Variants in GRAMD1B observed in about 807,000 individuals in gnomAD.
The protein encoded by GRAMD1B is GRAM domain containing 1B.
A neutral mutation model predicts 99.7 loss-of-function variants in GRAMD1B; 37 were observed. The ratio of observed to expected loss-of-function variants is 0.37; its 90% CI spans 0.29 to 0.49. The LOEUF (loss-of-function observed/expected upper bound fraction) is 0.49, where lower values mean the gene tolerates loss of function less well. Among genes scored for constraint, GRAMD1B ranks in the 20% least tolerant of loss-of-function variants. GRAMD1B has a pLI of 0.98. For synonymous variants in GRAMD1B, 427 were observed against 387.6 expected (o/e 1.10, Z -1.19); for missense variants, 888 against 1,009.2 (o/e 0.88, Z 1.63).
chr11:123,394,334 A>G (rs184832713), intron 1 of GRAMD1B, among the ~76,000 whole-genome samples: 1 of 152,296 alleles, frequency 6.6e-6, no homozygotes, highest in East Asian at 1.9e-4. Flanking sequence ...CAATGATACC[A>G]TTTTGTGTCT....
In GRAMD1B at chr11:123,500,687, T is replaced by A. The variant is rs550823324; in HGVS notation, c.452+19794T>A. On this transcript the variant is annotated intron_variant, in intron 2 of 19. Transcript: ENST00000635736. ...TAGCTACCTTGAAACCTTTTTATTT[T>A]TTTTTTGACAGAGTCTCTTTTGTCA... is the stretch of plus-strand genomic sequence containing the variant. Among the ~76,000 whole-genome samples, 151 of 152,282 alleles carry A rather than the reference T, an allele frequency of 9.9e-4. 1 individual carries two copies. The highest frequency in any genetic ancestry group is 3.2e-3 in the African/African-American group (132 of 41,554).
rs1276704324 is a variant in GRAMD1B, at chr11:123,624,058, A to G, written c.*1463A>G. On this transcript the variant is annotated 3_prime_UTR_variant, in exon 20 of 20. Coordinates refer to ENST00000635736, the MANE Select transcript of GRAMD1B (RefSeq NM_001387025.1). ...ATTCATCATCCCTCATACACTAACT[A>G]CTGTTTCTTCATGTAATGACCAAAA... The G allele has an allele frequency of 6.6e-6, 1 of 152,080 alleles. No individual in the cohort carries two copies. Among genetic ancestry groups the G allele is most frequent in the Non-Finnish European group, 1.5e-5 (1 of 68,024 alleles). 9.4% of individuals were successfully genotyped at this position (152,080 alleles called of 1,614,324 possible).
chr11:123,544,884 T>C, intron 2 of GRAMD1B, among the ~76,000 whole-genome samples: 1 of 152,262 alleles, frequency 6.6e-6, no homozygotes, highest in South Asian at 2.1e-4. Context: ...TCCTGGTGGC[T>C]GACTGCCAGT....
intron 1 of GRAMD1B, among the ~76,000 whole-genome samples, chr11:123,369,061 A>G (rs951770950): frequency 6.6e-6 from 1 of 152,200 alleles, no homozygotes; most frequent in Non-Finnish European, 1.5e-5. Flanking sequence ...TTGGGAAGCC[A>G]AGGTAGGAGG....
At chr11:123,585,357 G>A (rs968166314) in intron 4 of GRAMD1B, among the ~76,000 whole-genome samples, 1 of 152,194 alleles carries the variant, frequency 6.6e-6, no homozygotes, top group African/African-American at 2.4e-5. Context: ...TTGGCGCTGG[G>A]CGGTTCCTCA....
At chr11:123,550,531 C>T (rs1045298557) in intron 2 of GRAMD1B, among the ~76,000 whole-genome samples, 3 of 152,162 alleles carry the variant, frequency 2.0e-5, no homozygotes, top group South Asian at 2.1e-4. Context: ...CTGGCAAAGC[C>T]GGCTCGTTGT....
intron 1 of GRAMD1B, among the ~76,000 whole-genome samples, chr11:123,462,005 C>T (rs1191238309): frequency 1.5e-5 from 2 of 131,108 alleles, no homozygotes; most frequent in Non-Finnish European, 3.1e-5. Context: ...CTTGCTCTGT[C>T]GCCCAGGCTG....
At chr11:123,579,702 C>T (rs150757910) in intron 3 of GRAMD1B, among the ~76,000 whole-genome samples, 1 of 152,276 alleles carries the variant, frequency 6.6e-6, no homozygotes, top group East Asian at 1.9e-4. Context: ...GCTCCCCACT[C>T]CCTGCTCCTG....
intron 1 of GRAMD1B, among the ~76,000 whole-genome samples, chr11:123,390,697 C>T (rs531802571): frequency 2.6e-5 from 4 of 152,184 alleles, no homozygotes; most frequent in Admixed American, 1.3e-4. Flanking sequence ...TCCCTCACTC[C>T]CATTGCTTAT....
intron 3 of GRAMD1B, among the ~76,000 whole-genome samples, chr11:123,579,551 A>G (rs531783525): frequency 2.0e-5 from 3 of 152,200 alleles, no homozygotes; most frequent in South Asian, 4.2e-4. Flanking sequence ...GGCATATCTG[A>G]TATCTGGGAA....
intron 1 of GRAMD1B, among the ~76,000 whole-genome samples, chr11:123,435,258 T>G (rs2846054): frequency 0.49 from 74,066 of 152,082 alleles, 18,736 homozygotes; most frequent in East Asian, 0.81. Flanking sequence ...CCAAATCTCC[T>G]GCTCCAAAAG....
intron 1 of GRAMD1B, among the ~76,000 whole-genome samples, chr11:123,462,061 G>C (rs1428527467): frequency 6.6e-6 from 1 of 150,944 alleles, no homozygotes; most frequent in Non-Finnish European, 1.5e-5. Flanking sequence ...CCACCTCCTG[G>C]GTTCACGCCA....
At chr11:123,520,734 A>G (rs902424379) in intron 2 of GRAMD1B, among the ~76,000 whole-genome samples, 9 of 147,960 alleles carry the variant, frequency 6.1e-5, no homozygotes, top group African/African-American at 2.3e-4. Flanking sequence ...AGCCGTGATC[A>G]TGCTACTGCA....
At chr11:123,456,334 T>G (rs1463529140) in intron 1 of GRAMD1B, among the ~76,000 whole-genome samples, 1 of 152,048 alleles carries the variant, frequency 6.6e-6, no homozygotes, top group Non-Finnish European at 1.5e-5. Flanking sequence ...TTTGACATTC[T>G]TGTTCTCTAA....
chr11:123,618,214 G>T, intron 17 of GRAMD1B: 1 of 749,722 alleles, frequency 1.3e-6, no homozygotes. Flanking sequence ...TTGTGTCTTT[G>T]CTTCTAGTAT....
chr11:123,419,786 G>C (rs557443565), intron 1 of GRAMD1B, among the ~76,000 whole-genome samples: 1 of 151,312 alleles, frequency 6.6e-6, no homozygotes, highest in Admixed American at 6.6e-5. Flanking sequence ...CAAGAAAAAG[G>C]AAGGAAAGCA....
intron 4 of GRAMD1B, among the ~76,000 whole-genome samples, chr11:123,589,311 G>A (rs1262974319): frequency 6.6e-5 from 10 of 151,806 alleles, no homozygotes; most frequent in Admixed American, 1.3e-4. Context: ...GGAGAGCTGC[G>A]TCTGCATCCG....
intron 1 of GRAMD1B, among the ~76,000 whole-genome samples, chr11:123,444,413 G>T (rs1949545694): frequency 6.6e-6 from 1 of 151,996 alleles, no homozygotes; most frequent in South Asian, 2.1e-4. Context: ...GATCACTTGA[G>T]CCTGGGAGGT....
intron 2 of GRAMD1B, among the ~76,000 whole-genome samples, chr11:123,544,661 TC>T (rs1194035489): frequency 6.6e-6 from 1 of 152,202 alleles, no homozygotes; most frequent in Non-Finnish European, 1.5e-5. Context: ...TCCTGCCCTG[TC>T]ACTGAGCATT....
Sources: gnomAD v4.1 joint callset for allele counts (sites outside exome capture counted in the v4.1 genomes callset) on GRCh38, gnomAD v4.1.1 for gene constraint, MANE v1.5 for transcripts, NCBI Gene and HGNC (gene_info 2026-07-23, HGNC 2026-07-21) for gene names.